PBK: variants seen among roughly 807,000 people sequenced by gnomAD.
The protein encoded by PBK is PDZ binding kinase.
In PBK, 22 loss-of-function variants were observed where a neutral mutation model predicts 33.5. The ratio of observed to expected loss-of-function variants is 0.66; its 90% CI spans 0.47 to 0.94. The LOEUF (loss-of-function observed/expected upper bound fraction) is 0.94, where lower values mean the gene tolerates loss of function less well. Among genes scored for constraint, PBK ranks in the 40% least tolerant of loss-of-function variants. The pLI, the probability that PBK is intolerant of heterozygous loss-of-function variation, is 0.00. For missense variants in PBK, 376 were observed against 383.4 expected, an observed-to-expected ratio of 0.98 and a Z score of 0.16; for synonymous variants, 129 against 123.8, an observed-to-expected ratio of 1.04 and a Z score of -0.28.
At position 27,820,628 on chromosome 8, in the gene PBK, C is replaced by A. The variant is rs201290873; in HGVS notation, c.532G>T (p.Asp178Tyr). ...TCACAGATTTTAATTGTTTCAAAAT[C>A]GCCTTTAATTACAACATTTGAAGAC... Reference protein sequence around the residue: ...IKSSNVVIKGDFETIKICDVG... With the variant: ...IKSSNVVIKGYFETIKICDVG... The change falls in exon 6 of 8, where the codon GAT becomes TAT. Residue 178 changes from aspartate to tyrosine, a missense_variant. Coordinates refer to ENST00000301905, the MANE Select transcript of PBK (RefSeq NM_018492.4). The A allele has an allele frequency of 6.4e-7, 1 of 1,562,048 alleles. No individual in the cohort carries two copies. The highest frequency in any genetic ancestry group is 1.1e-5 in the South Asian group (1 of 89,040).
chr8:27,822,165 A>C (rs1805941023), intron 5 of PBK, among the ~76,000 whole-genome samples, 154 bp downstream of exon 5: 2 of 152,234 alleles, frequency 1.3e-5, no homozygotes, highest in South Asian at 4.1e-4. Context: ...GGAAGCAGAA[A>C]TGTAAGCCTC....
rs76513898 is a variant in PBK at position 27,826,991 on chromosome 8, A to G, written c.152+1114T>C. 5.0e-3 allele frequency among the ~76,000 whole-genome samples: 769 copies of G among 152,300 alleles called. 19 individuals carry two copies. In the East Asian group the frequency reaches 0.098, roughly 19 times the overall value. The stretch of plus-strand genomic sequence containing the variant: ...ACACTAAAAAACAAATTAGAAAACA[A>G]TACCATACAAACATACAAAAAAAAT... On this transcript the variant is annotated intron_variant, in intron 3 of 7. Coordinates refer to ENST00000301905, the MANE Select transcript of PBK (RefSeq NM_018492.4).
At chr8:27,818,258 A>C (rs907190265) in intron 6 of PBK, among the ~76,000 whole-genome samples, 1 of 152,260 alleles carries the variant, frequency 6.6e-6, no homozygotes, top group African/African-American at 2.4e-5. Flanking sequence ...CAGCAGTTAC[A>C]AGTTCTACTT....
intron 5 of PBK, 123 bp downstream of exon 5, chr8:27,822,196 C>G: frequency 1.4e-6 from 1 of 708,684 alleles, no homozygotes; most frequent in African/African-American, 1.8e-5. Context: ...TCCGCTAACC[C>G]CTTTTTGGAA....
chr8:27,819,510 T>C (rs1197324726), intron 6 of PBK, among the ~76,000 whole-genome samples: 1 of 152,140 alleles, frequency 6.6e-6, no homozygotes, highest in Non-Finnish European at 1.5e-5. Context: ...TTTGGAGTTT[T>C]TGTTTCCTAT....
chr8:27,835,535 C>T (rs1806210930), intron 1 of PBK, among the ~76,000 whole-genome samples: 1 of 151,206 alleles, frequency 6.6e-6, no homozygotes, highest in Admixed American at 6.6e-5. Context: ...TGATGTGGCA[C>T]CTCAGAGATC....
intron 3 of PBK, among the ~76,000 whole-genome samples, chr8:27,825,260 T>G (rs1260597343): frequency 6.6e-6 from 1 of 152,134 alleles, no homozygotes; most frequent in East Asian, 1.9e-4. Flanking sequence ...GGCAATATAG[T>G]GAGACCCCTT....
In PBK at chr8:27,830,987, C is replaced by T. The variant is rs563350082; in HGVS notation, c.58+2069G>A. On this transcript the variant is annotated intron_variant, in intron 2 of 7. Coordinates refer to ENST00000301905, the MANE Select transcript of PBK (RefSeq NM_018492.4). The stretch of plus-strand genomic sequence containing the variant: ...CCACTGAGGATTAAGAAGGGTATTT[C>T]GTAACAGTTAAGGTATAAATTCATC... 3.0e-4 allele frequency among the ~76,000 whole-genome samples: 46 copies of T among 152,230 alleles called. 1 individual carries two copies. The South Asian group carries it at 9.3e-3, about 31-fold the overall frequency.
chr8:27,822,536 ATAT>A, intron 4 of PBK, 48 bp from the exon 5 acceptor site: 1 of 1,302,896 alleles, frequency 7.7e-7, no homozygotes. Context: ...AAGAACAATA[ATAT>A]TTAAGTCCTT....
At chr8:27,816,856 G>A (rs1315395534) in intron 6 of PBK, among the ~76,000 whole-genome samples, 1 of 151,642 alleles carries the variant, frequency 6.6e-6, no homozygotes, top group Non-Finnish European at 1.5e-5. Flanking sequence ...TATAATTTAT[G>A]GATATATGGT....
At chr8:27,829,787 A>G (rs1034631824) in intron 2 of PBK, among the ~76,000 whole-genome samples, 8 of 151,914 alleles carry the variant, frequency 5.3e-5, no homozygotes, top group Non-Finnish European at 8.8e-5. Flanking sequence ...GAATGGCGTG[A>G]ACCCAGGAGG....
intron 1 of PBK, among the ~76,000 whole-genome samples, chr8:27,835,621 G>A (rs1433890557): frequency 6.6e-6 from 1 of 150,958 alleles, no homozygotes; most frequent in Non-Finnish European, 1.5e-5. Context: ...GTGCAATCTC[G>A]GCTCACTGCA....
chr8:27,810,929 G>T, intron 7 of PBK, 29 bp downstream of exon 7: 3 of 1,318,144 alleles, frequency 2.3e-6, no homozygotes, highest in South Asian at 2.4e-5. Context: ...TGAAGAGATT[G>T]GGATTTATGT....
At chr8:27,812,203 A>G (rs1805700739) in intron 6 of PBK, 1 of 152,170 alleles carries the variant, frequency 6.6e-6, no homozygotes, top group Non-Finnish European at 1.5e-5. Flanking sequence ...TTTTCAAGCT[A>G]AGATCCCTTC....
At chr8:27,812,796 C>T (rs1167870545) in intron 6 of PBK, among the ~76,000 whole-genome samples, 5 of 152,044 alleles carry the variant, frequency 3.3e-5, no homozygotes, top group Admixed American at 3.3e-4. Context: ...GTTAGAATGG[C>T]AATCATTAAA....
chr8:27,834,861 AC>A (rs1806198994), intron 1 of PBK, among the ~76,000 whole-genome samples: 1 of 151,860 alleles, frequency 6.6e-6, no homozygotes, highest in Non-Finnish European at 1.5e-5. Flanking sequence ...GTGCCACTGC[AC>A]TCCAGCCTGG....
intron 6 of PBK, among the ~76,000 whole-genome samples, chr8:27,813,350 A>C (rs1805735741): frequency 6.6e-6 from 1 of 152,090 alleles, no homozygotes; most frequent in African/African-American, 2.4e-5. Context: ...ATTAGGAGAA[A>C]TACCTAATGT....
intron 6 of PBK, among the ~76,000 whole-genome samples, chr8:27,815,909 G>A (rs889833598): frequency 3.3e-5 from 5 of 152,204 alleles, no homozygotes; most frequent in African/African-American, 9.7e-5. Context: ...AAAGTTTGAT[G>A]AGATCATAAA....
At chr8:27,823,822 G>A (rs543863084) in intron 3 of PBK, among the ~76,000 whole-genome samples, 1 of 152,166 alleles carries the variant, frequency 6.6e-6, no homozygotes, top group South Asian at 2.1e-4. Flanking sequence ...AGGTATAAAT[G>A]TTTTAAGGCC....
Sources: gnomAD v4.1 joint callset for allele counts (sites outside exome capture counted in the v4.1 genomes callset) on GRCh38, gnomAD v4.1.1 for gene constraint, MANE v1.5 for transcripts, NCBI Gene and HGNC (gene_info 2026-07-23, HGNC 2026-07-21) for gene names.